The following ANXA7 variants were observed in gnomAD, a reference collection of about 807,000 sequenced individuals.
ANXA7 encodes annexin VII.
Under a neutral mutation model 64.9 loss-of-function variants are expected in ANXA7, and 55 were observed. The ratio of observed to expected loss-of-function variants is 0.85; its 90% CI spans 0.68 to 1.06. ANXA7 has a LOEUF of 1.06. Ranked by LOEUF, ANXA7 falls within the 50% of genes least tolerant of loss-of-function variation. The pLI is 0.00. For missense variants in ANXA7, 548 were observed against 582.1 expected (o/e 0.94, Z 0.60); for synonymous variants, 200 against 192.4 (o/e 1.04, Z -0.33).
In ANXA7 at chr10:73,376,095, C is replaced by A; in HGVS notation, c.1401G>T (p.Ter467TyrextTer7). 6.4e-7 allele frequency: 1 copy of A among 1,563,916 alleles called. No homozygotes were observed. Among genetic ancestry groups the A allele is most frequent in the Non-Finnish European group, 8.6e-7 (1 of 1,161,184 alleles). Residue 467 changes from the stop codon to tyrosine, a stop_lost, in exon 13 of 13, where the codon TAG (stop) becomes TAT (tyrosine). Transcript: ENST00000372921. Reference sequence around the variant, plus strand: ...TTCATTAAAAAAAAAAAAATCCCTCCTACTGGCCCACAATAGCCAGAAGAA... The same window carrying A: ...TTCATTAAAAAAAAAAAAATCCCTCATACTGGCCCACAATAGCCAGAAGAA... ...RRLLLAIVGQ[*>Y]
At chr10:73,383,064 G>A (rs1025954344) in intron 9 of ANXA7, 111 bp downstream of exon 9, 10 of 921,462 alleles carry the variant, frequency 1.1e-5, no homozygotes, top group South Asian at 2.1e-5. Context: ...TCTTAAAGAT[G>A]GCAATATTGC....
At chr10:73,385,457 T>G (rs2055352400) in intron 7 of ANXA7, among the ~76,000 whole-genome samples, 1 of 152,188 alleles carries the variant, frequency 6.6e-6, no homozygotes, top group Admixed American at 6.5e-5. Context: ...AGGGCCATTT[T>G]ATAGATTAGA....
At chr10:73,412,494 T>G (rs530689077) in intron 1 of ANXA7, among the ~76,000 whole-genome samples, 20 of 151,742 alleles carry the variant, frequency 1.3e-4, no homozygotes, top group African/African-American at 4.8e-4. Context: ...TCTAGAGTTT[T>G]TTGGGTTTTT....
chr10:73,388,178 C>G, intron 6 of ANXA7, 134 bp downstream of exon 6: 2 of 663,692 alleles, frequency 3.0e-6, no homozygotes, highest in South Asian at 1.8e-5. Flanking sequence ...TTACAAGGCA[C>G]TAGACATCAG....
intron 1 of ANXA7, among the ~76,000 whole-genome samples, chr10:73,412,652 C>T (rs2055863513): frequency 6.6e-6 from 1 of 151,834 alleles, no homozygotes; most frequent in African/African-American, 2.4e-5. Context: ...CGCCACCACG[C>T]CCAGCTAATT....
chr10:73,392,710 T>C (rs1216310042), intron 5 of ANXA7, among the ~76,000 whole-genome samples: 3 of 152,090 alleles, frequency 2.0e-5, no homozygotes, highest in East Asian at 1.9e-4. Flanking sequence ...CTCAAAATAA[T>C]AAGAGCTATT....
chr10:73,376,064 T>G lies in ANXA7; in HGVS notation c.*31A>C. On this transcript the variant is annotated 3_prime_UTR_variant, in exon 13 of 13. Coordinates refer to ENST00000372921, the MANE Select transcript of ANXA7 (RefSeq NM_001156.5). ...CTGAAGGATAAGCTATGAATAGAAA[T>G]TTTTTTTCATTAAAAAAAAAAAAAT... The G allele has an allele frequency of 6.7e-7, 1 of 1,493,000 alleles. No individual in the cohort carries two copies. Among genetic ancestry groups the G allele is most frequent in the South Asian group, 1.3e-5 (1 of 74,170 alleles). 92.5% of individuals were successfully genotyped at this position (1,493,000 alleles called of 1,614,324 possible).
intron 3 of ANXA7, among the ~76,000 whole-genome samples, chr10:73,397,512 T>G (rs2055595526): frequency 6.6e-6 from 1 of 152,192 alleles, no homozygotes; most frequent in African/African-American, 2.4e-5. Flanking sequence ...GGCTGGAGTT[T>G]AGTGGCACAA....
chr10:73,399,524 T>C (rs572367905), intron 2 of ANXA7, among the ~76,000 whole-genome samples: 3 of 152,176 alleles, frequency 2.0e-5, no homozygotes, highest in African/African-American at 7.2e-5. Context: ...CAGTTATGAG[T>C]ATAAAACCAA....
At chr10:73,400,678 C>G (rs1387807036) in intron 2 of ANXA7, 125 bp downstream of exon 2, 1 of 685,664 alleles carries the variant, frequency 1.5e-6, no homozygotes, top group Non-Finnish European at 2.3e-6. Context: ...TTCCTCACTT[C>G]TACGTAGTAC....
In ANXA7 at chr10:73,401,074, T is replaced by C. The variant is rs371867992; in HGVS notation, c.-1-217A>G. On this transcript the variant is annotated intron_variant, in intron 1 of 12. Transcript: ENST00000372921. ...GTGCACGCCACCATGCCCAGCTAAT[T>C]TTTATATTTTTTGTAGAGATGGAGT... Among the ~76,000 whole-genome samples, 27 of 151,870 alleles carry C rather than the reference T, an allele frequency of 1.8e-4. No individual in the cohort carries two copies. The East Asian group carries it at 1.9e-3, about 11-fold the overall frequency.
chr10:73,378,864 A>G (rs756121958), intron 12 of ANXA7, 47 bp downstream of exon 12: 11 of 1,421,376 alleles, frequency 7.7e-6, no homozygotes, highest in Non-Finnish European at 1.1e-5. Flanking sequence ...AGAAATCAAC[A>G]TTGAACATCA....
At position 73,383,803 on chromosome 10, in the gene ANXA7, T is replaced by C. The variant is rs1410222499; in HGVS notation, c.634-113A>G. ...GAATTGCTTTATAAAAACCTAAATT[T>C]GAAAGCTGAATGTTAATATACTAAG... On this transcript the variant is annotated intron_variant, in intron 7 of 12. Coordinates refer to ENST00000372921, the MANE Select transcript of ANXA7 (RefSeq NM_001156.5). The C allele has an allele frequency of 6.8e-6, 5 of 732,586 alleles. No individual in the cohort carries two copies. In the Admixed American group the frequency reaches 1.2e-4, roughly 18 times the overall value. 45.4% of individuals were successfully genotyped at this position (732,586 alleles called of 1,614,324 possible). A position where few individuals can be genotyped will look rare whatever the true frequency, so the allele number is the denominator to read the frequency against.
intron 1 of ANXA7, among the ~76,000 whole-genome samples, chr10:73,405,803 T>A (rs2055747785): frequency 6.6e-6 from 1 of 152,158 alleles, no homozygotes; most frequent in Non-Finnish European, 1.5e-5. Context: ...AAGGAGCAGA[T>A]TAAGACAGAA....
chr10:73,378,805 C>G, intron 12 of ANXA7, 106 bp downstream of exon 12: 1 of 787,716 alleles, frequency 1.3e-6, no homozygotes, highest in Non-Finnish European at 2.1e-6. Flanking sequence ...GCAAAGAGAG[C>G]TCTTTCTTAT....
chr10:73,400,659 C>T, intron 2 of ANXA7, 144 bp downstream of exon 2: 2 of 516,094 alleles, frequency 3.9e-6, no homozygotes, highest in Non-Finnish European at 6.5e-6. Flanking sequence ...GTCCCCCACA[C>T]AATTGCCTTT....
At chr10:73,396,310 G>A (rs2055574546) in intron 5 of ANXA7, among the ~76,000 whole-genome samples, 2 of 152,152 alleles carry the variant, frequency 1.3e-5, no homozygotes. Context: ...TTACCTATGA[G>A]AATAGACCTA....
rs201902462 is a variant in ANXA7 at position 73,383,699 on chromosome 10, T to A, written c.634-9A>T. 4.5e-6 allele frequency: 7 copies of A among 1,553,190 alleles called. No homozygotes were observed. Among genetic ancestry groups the A allele is most frequent in the Admixed American group, 3.4e-5 (2 of 59,572 alleles). On this transcript the variant is annotated splice_polypyrimidine_tract_variant and intron_variant, in intron 7 of 12. Transcript: ENST00000372921. ...AGATCTTTGATTAAATCCTATTTAA[T>A]CACAAATACAAGCTAAGTATATGTG...
intron 2 of ANXA7, among the ~76,000 whole-genome samples, chr10:73,400,011 C>T (rs983047472): frequency 1.3e-5 from 2 of 151,668 alleles, no homozygotes; most frequent in African/African-American, 4.8e-5. Context: ...GGCACAGTGG[C>T]GGGCACCTGA....
Sources: gnomAD v4.1 joint callset for allele counts (sites outside exome capture counted in the v4.1 genomes callset) on GRCh38, gnomAD v4.1.1 for gene constraint, MANE v1.5 for transcripts, NCBI Gene and HGNC (gene_info 2026-07-23, HGNC 2026-07-21) for gene names.